Variants in PGGT1B observed in about 807,000 individuals in gnomAD.
PGGT1B encodes geranylgeranyl transferase type-1 subunit beta.
PGGT1B carries 30 observed loss-of-function variants against 46.1 expected under a neutral mutation model. The ratio of observed to expected loss-of-function variants is 0.65; its 90% CI spans 0.49 to 0.88. PGGT1B has a LOEUF of 0.88. Among genes scored for constraint, PGGT1B ranks in the 40% least tolerant of loss-of-function variants. PGGT1B has a pLI of 0.00. For synonymous variants in PGGT1B, 170 were observed against 160.0 expected (o/e 1.06, Z -0.47); for missense variants, 376 against 455.9 (o/e 0.82, Z 1.60).
chr5:115,217,938 T>C (rs1037182591), intron 7 of PGGT1B, among the ~76,000 whole-genome samples: 1 of 151,994 alleles, frequency 6.6e-6, no homozygotes, highest in Non-Finnish European at 1.5e-5. Context: ...ATTTTCACTA[T>C]CCCATAATAA....
Position 115,253,647 on chromosome 5 carries a change from A to G in PGGT1B, c.141-392T>C, listed in dbSNP as rs76235620. Among the ~76,000 whole-genome samples, 1,328 of 152,174 alleles carry G rather than the reference A, an allele frequency of 8.7e-3. 5 individuals carry two copies. Among genetic ancestry groups the G allele is most frequent in the Middle Eastern group, 0.017 (5 of 294 alleles). ...AATTTTCACTAATTTGTCAGGATCA[A>G]TTATAGCTTGTATTTAATTCTGGAG... On this transcript the variant is annotated intron_variant, in intron 1 of 8. Transcript: ENST00000419445.
intron 1 of PGGT1B, among the ~76,000 whole-genome samples, chr5:115,260,067 A>G (rs1748489996): frequency 6.6e-6 from 1 of 152,188 alleles, no homozygotes; most frequent in South Asian, 2.1e-4. Flanking sequence ...ATTCACTTGG[A>G]TTATAAACTA....
At chr5:115,262,127 AC>A (rs1254007871) in intron 1 of PGGT1B, among the ~76,000 whole-genome samples, 1 of 152,174 alleles carries the variant, frequency 6.6e-6, no homozygotes, top group African/African-American at 2.4e-5. Flanking sequence ...CCCAGCTTTT[AC>A]TGTAAATGAA....
rs974138976 is a variant in PGGT1B at position 115,205,933 on chromosome 5, T to A, written c.*6469A>T. 1.6e-5 allele frequency: 1 copy of A among 61,626 alleles called. No individual in the cohort carries two copies. Among genetic ancestry groups the A allele is most frequent in the East Asian group, 8.0e-4 (1 of 1,256 alleles). 3.8% of individuals were successfully genotyped at this position (61,626 alleles called of 1,614,324 possible). A position where few individuals can be genotyped will look rare whatever the true frequency, so the allele number is the denominator to read the frequency against. ...TTTGTAGTTGTGAAAAATAAGGCAC[T>A]GATTAATCAGTGCCTCATTTGCCAT... On this transcript the variant is annotated 3_prime_UTR_variant, in exon 9 of 9. Transcript: ENST00000419445.
intron 1 of PGGT1B, among the ~76,000 whole-genome samples, chr5:115,262,203 G>C (rs1003703592): frequency 6.6e-6 from 1 of 152,138 alleles, no homozygotes; most frequent in Non-Finnish European, 1.5e-5. Context: ...GCTGCTTCAC[G>C]CAACACCACA....
chr5:115,232,184 T>A (rs1430362359), intron 5 of PGGT1B, among the ~76,000 whole-genome samples: 1 of 152,078 alleles, frequency 6.6e-6, no homozygotes, highest in African/African-American at 2.4e-5. Flanking sequence ...AAACAGCTAT[T>A]ACGGGAATGT....
At chr5:115,262,504 T>G in intron 1 of PGGT1B, 1 of 547,664 alleles carries the variant, frequency 1.8e-6, no homozygotes, top group Non-Finnish European at 3.2e-6. Flanking sequence ...AAACTGGAGA[T>G]GCCACAGCCC....
At chr5:115,251,571 A>T (rs905526459) in intron 2 of PGGT1B, among the ~76,000 whole-genome samples, 9 of 152,144 alleles carry the variant, frequency 5.9e-5, no homozygotes, top group Admixed American at 2.0e-4. Flanking sequence ...ATGGTGAGTA[A>T]GTGACCAATG....
At chr5:115,219,139 T>C (rs1018013174) in intron 7 of PGGT1B, among the ~76,000 whole-genome samples, 2 of 151,848 alleles carry the variant, frequency 1.3e-5, no homozygotes, top group South Asian at 2.1e-4. Flanking sequence ...GGGCTCCAAA[T>C]AGCCAAAACA....
At chr5:115,247,341 G>C (rs1274182617) in intron 2 of PGGT1B, among the ~76,000 whole-genome samples, 1 of 152,018 alleles carries the variant, frequency 6.6e-6, no homozygotes, top group African/African-American at 2.4e-5. Context: ...ATTATATTTA[G>C]GTATAATAAA....
At chr5:115,222,660 A>AC in intron 6 of PGGT1B, among the ~76,000 whole-genome samples, 1 of 152,330 alleles carries the variant, frequency 6.6e-6, no homozygotes, top group Non-Finnish European at 1.5e-5. Context: ...ATGCTGCTAT[A>AC]AAGACACATG....
intron 2 of PGGT1B, among the ~76,000 whole-genome samples, chr5:115,242,409 A>G (rs1312226795): frequency 6.6e-6 from 1 of 152,232 alleles, no homozygotes; most frequent in African/African-American, 2.4e-5. Context: ...GCTGATAAAA[A>G]AAAATCGAGT....
chr5:115,223,315 G>A (rs1462897015), intron 6 of PGGT1B, among the ~76,000 whole-genome samples: 2 of 152,076 alleles, frequency 1.3e-5, no homozygotes, highest in African/African-American at 4.8e-5. Context: ...GGAGAAAGAG[G>A]CTTTGCAAAT....
chr5:115,232,733 C>A (rs563540524), intron 5 of PGGT1B, among the ~76,000 whole-genome samples: 97 of 151,918 alleles, frequency 6.4e-4, no homozygotes, highest in African/African-American at 2.2e-3. Context: ...CACTGTCATG[C>A]AAAATGAGGA....
intron 6 of PGGT1B, among the ~76,000 whole-genome samples, chr5:115,227,098 G>C (rs958484212): frequency 6.6e-6 from 1 of 152,142 alleles, no homozygotes; most frequent in Non-Finnish European, 1.5e-5. Flanking sequence ...TACAAAGCTA[G>C]ACTGGAATCA....
chr5:115,250,093 T>C (rs542458127), intron 2 of PGGT1B, among the ~76,000 whole-genome samples: 43 of 152,328 alleles, frequency 2.8e-4, no homozygotes, highest in African/African-American at 9.4e-4. Flanking sequence ...TCATCACTTA[T>C]TTATCTTTTA....
At chr5:115,225,406 G>C (rs1376613535) in intron 6 of PGGT1B, among the ~76,000 whole-genome samples, 1 of 151,430 alleles carries the variant, frequency 6.6e-6, no homozygotes, top group Non-Finnish European at 1.5e-5. Context: ...GCTCTGTTAT[G>C]TTATGATCTA....
In PGGT1B at chr5:115,209,286, A is replaced by T. The variant is rs1756153911; in HGVS notation, c.*3116T>A. The T allele has an allele frequency of 6.6e-6, 1 of 152,076 alleles. No individual in the cohort carries two copies. Among genetic ancestry groups the T allele is most frequent in the South Asian group, 2.1e-4 (1 of 4,834 alleles). 9.4% of individuals were successfully genotyped at this position (152,076 alleles called of 1,614,324 possible). Reference sequence around the variant, plus strand: ...GCTGGGCTTTGTCTCATAAGCTTCAAGAGGTACACAGCGTAAAACCCAGAC... The same window carrying T: ...GCTGGGCTTTGTCTCATAAGCTTCATGAGGTACACAGCGTAAAACCCAGAC... On this transcript the variant is annotated 3_prime_UTR_variant, in exon 9 of 9. Coordinates refer to ENST00000419445, the MANE Select transcript of PGGT1B (RefSeq NM_005023.4).
At chr5:115,226,742 A>G (rs1756796859) in intron 6 of PGGT1B, among the ~76,000 whole-genome samples, 1 of 152,100 alleles carries the variant, frequency 6.6e-6, no homozygotes, top group African/African-American at 2.4e-5. Context: ...CCAGCTTACA[A>G]TCCAGCAAAG....
Sources: allele counts gnomAD v4.1 joint callset (sites outside exome capture counted in the v4.1 genomes callset), GRCh38; gene constraint gnomAD v4.1.1; transcripts MANE v1.5; gene names NCBI Gene and HGNC (gene_info 2026-07-23, HGNC 2026-07-21).